The following BCKDHB variants were observed in gnomAD, a reference collection of about 807,000 sequenced individuals.
BCKDHB encodes branched chain keto acid dehydrogenase E1 subunit beta, also known as 2-oxoisovalerate dehydrogenase subunit beta, mitochondrial.
A neutral mutation model predicts 48.5 loss-of-function variants in BCKDHB; 41 were observed. The ratio of observed to expected loss-of-function variants is 0.85; its 90% CI spans 0.66 to 1.10. The LOEUF (loss-of-function observed/expected upper bound fraction) is 1.10, where lower values mean the gene tolerates loss of function less well. Ranked by LOEUF, BCKDHB falls within the 50% of genes least tolerant of loss-of-function variation. The pLI, the probability that BCKDHB is intolerant of heterozygous loss-of-function variation, is 0.00. For synonymous variants in BCKDHB, 201 were observed against 174.8 expected, an observed-to-expected ratio of 1.15 and a Z score of -1.18; for missense variants, 496 against 494.2, an observed-to-expected ratio of 1.00 and a Z score of -0.03.
intron 3 of BCKDHB, among the ~76,000 whole-genome samples, chr6:80,162,854 C>T (rs1196379048): frequency 6.6e-6 from 1 of 151,760 alleles, no homozygotes; most frequent in Non-Finnish European, 1.5e-5. Flanking sequence ...CATCTCAAAA[C>T]AAAAAAACCC....
In BCKDHB at chr6:80,199,771, C is replaced by CAA. The variant is rs35186066; in HGVS notation, c.743-1138_743-1137dup. On this transcript the variant is annotated intron_variant, in intron 6 of 9. Transcript: ENST00000320393. ...TGGGCGACAGAGTGAGACTCTGTCT[C>CAA]AAAAAAAAAAAAAAAAAAAAAAAAA... Among the ~76,000 whole-genome samples, 38 of 35,764 alleles carry CAA rather than the reference C, an allele frequency of 1.1e-3. 3 individuals are homozygous for CAA. Among genetic ancestry groups the CAA allele is most frequent in the South Asian group, 1.7e-3 (1 of 588 alleles). 23.5% of individuals were successfully genotyped at this position (35,764 alleles called of 152,430 possible). A position where few individuals can be genotyped will look rare whatever the true frequency, so the allele number is the denominator to read the frequency against.
At chr6:80,458,854 T>G in the BCKDHB span, among the ~76,000 whole-genome samples, 3 of 152,192 alleles carry the variant, frequency 2.0e-5, no homozygotes, top group South Asian at 6.2e-4. Flanking sequence ...CACCTAACTG[T>G]CATGAACAAA....
the BCKDHB span, among the ~76,000 whole-genome samples, chr6:80,384,385 G>A: frequency 2.0e-5 from 3 of 150,388 alleles, no homozygotes; most frequent in African/African-American, 7.4e-5. Context: ...CTGAGATGGA[G>A]TCTCGCTCTG....
chr6:80,200,793 A>G, intron 6 of BCKDHB, 141 bp from the exon 7 acceptor site: 2 of 673,742 alleles, frequency 3.0e-6, no homozygotes, highest in South Asian at 1.7e-5. Context: ...CATAAATGCT[A>G]TTTCTGTTTT....
the BCKDHB span, among the ~76,000 whole-genome samples, chr6:80,371,321 ATT>A: frequency 2.6e-5 from 4 of 151,842 alleles, no homozygotes; most frequent in Non-Finnish European, 5.9e-5. Flanking sequence ...TCCTTAGCCC[ATT>A]TTTTGATGGA....
Position 80,268,071 on chromosome 6 carries a change from G to A in BCKDHB, c.952-5064G>A, listed in dbSNP as rs1048882762. Among the ~76,000 whole-genome samples the A allele has an allele frequency of 2.6e-5, 4 of 151,976 alleles. No individual in the cohort carries two copies. In the South Asian group the frequency reaches 6.2e-4, roughly 24 times the overall value. On this transcript the variant is annotated intron_variant, in intron 8 of 9. Transcript: ENST00000320393. ...TGTTTAGCATTGGCATTTCTCCAGC[G>A]GAATACTAGCCAGTGGTCCAGTCAT...
At chr6:80,395,739 C>T in the BCKDHB span, among the ~76,000 whole-genome samples, 1 of 152,162 alleles carries the variant, frequency 6.6e-6, no homozygotes, top group African/African-American at 2.4e-5. Context: ...ATCAGAGAAC[C>T]TCAATGCAGC....
chr6:80,308,404 G>A (rs1472656197), intron 9 of BCKDHB, among the ~76,000 whole-genome samples: 1 of 151,958 alleles, frequency 6.6e-6, no homozygotes, highest in Non-Finnish European at 1.5e-5. Flanking sequence ...AAATAAAAGA[G>A]CAAAAATACC....
chr6:80,365,510 T>C, the BCKDHB span, among the ~76,000 whole-genome samples: 2 of 152,164 alleles, frequency 1.3e-5, no homozygotes, highest in East Asian at 3.9e-4. Flanking sequence ...CGTGTCCGTT[T>C]ATAGGCTCTC....
chr6:80,445,741 G>A, the BCKDHB span, among the ~76,000 whole-genome samples: 5,481 of 152,154 alleles, frequency 0.036, 348 homozygotes, highest in African/African-American at 0.13. Context: ...TAGAGATGTC[G>A]AGAGGAGGTC....
the BCKDHB span, among the ~76,000 whole-genome samples, chr6:80,411,671 GT>G: frequency 6.6e-6 from 1 of 152,198 alleles, no homozygotes; most frequent in South Asian, 2.1e-4. Context: ...CTCAGAAATG[GT>G]GGACGCCCCT....
the BCKDHB span, among the ~76,000 whole-genome samples, chr6:80,404,348 G>T: frequency 1.3e-5 from 2 of 151,766 alleles, no homozygotes. Context: ...TCTAGATTAT[G>T]TACCTTTTTG....
chr6:80,239,437 T>G (rs187704599), intron 8 of BCKDHB, among the ~76,000 whole-genome samples: 2 of 152,206 alleles, frequency 1.3e-5, no homozygotes, highest in East Asian at 1.9e-4. Context: ...TCGCCCACTT[T>G]TTGATGGGGT....
At chr6:80,223,404 A>G (rs1775547916) in intron 8 of BCKDHB, among the ~76,000 whole-genome samples, 2 of 152,140 alleles carry the variant, frequency 1.3e-5, no homozygotes, top group African/African-American at 4.8e-5. Context: ...TTACATTCAC[A>G]TTAATAATAA....
intron 8 of BCKDHB, among the ~76,000 whole-genome samples, chr6:80,208,899 T>A: frequency 6.6e-6 from 1 of 151,872 alleles, no homozygotes; most frequent in Non-Finnish European, 1.5e-5. Flanking sequence ...ACTTTCAAAT[T>A]CTTTTTATAA....
rs189309335 is a variant in BCKDHB at position 80,115,175 on chromosome 6, C to G, written c.196+8286C>G. ...TAAGAGAAGGGGTCTTGCTATGTTG[C>G]CCAGGCTGAAGTGCAGTGGCTATTC... On this transcript the variant is annotated intron_variant, in intron 1 of 9. Coordinates refer to ENST00000320393, the MANE Select transcript of BCKDHB (RefSeq NM_183050.4). 6.6e-5 allele frequency among the ~76,000 whole-genome samples: 10 copies of G among 152,202 alleles called. No individual in the cohort carries two copies. The East Asian group carries it at 1.9e-3, about 29-fold the overall frequency.
the BCKDHB span, among the ~76,000 whole-genome samples, chr6:80,442,138 A>G: frequency 6.6e-6 from 1 of 152,176 alleles, no homozygotes; most frequent in South Asian, 2.1e-4. Flanking sequence ...AACATCAACT[A>G]AATAATGTAT....
chr6:80,175,890 A>C (rs962083679), intron 6 of BCKDHB, among the ~76,000 whole-genome samples: 15 of 152,184 alleles, frequency 9.9e-5, no homozygotes, highest in African/African-American at 3.1e-4. Context: ...TGATGCTATA[A>C]CCTGAAGTCC....
At chr6:80,266,825 G>C (rs1582469705) in intron 8 of BCKDHB, among the ~76,000 whole-genome samples, 1 of 152,012 alleles carries the variant, frequency 6.6e-6, no homozygotes. Flanking sequence ...GTAAATTACT[G>C]TGTCTGTGTG....
Sources: allele counts gnomAD v4.1 joint callset (sites outside exome capture counted in the v4.1 genomes callset), GRCh38; gene constraint gnomAD v4.1.1; transcripts MANE v1.5; gene names NCBI Gene and HGNC (gene_info 2026-07-23, HGNC 2026-07-21).